PRDM4: variants seen among roughly 807,000 people sequenced by gnomAD.
PRDM4 encodes PR/SET domain 4, also known as PR domain zinc finger protein 4.
PRDM4 carries 38 observed loss-of-function variants against 62.3 expected under a neutral mutation model. The observed-to-expected ratio is 0.61, with a 90% CI of 0.47 to 0.80. The LOEUF (loss-of-function observed/expected upper bound fraction) is 0.80. PRDM4 is among the 30% of genes least tolerant of loss of function. PRDM4 has a pLI of 0.00. For missense variants in PRDM4, 858 were observed against 997.1 expected, an observed-to-expected ratio of 0.86 and a Z score of 1.88; for synonymous variants, 339 against 348.2, an observed-to-expected ratio of 0.97 and a Z score of 0.30.
chr12:107,737,255 A>G (rs368027234), intron 11 of PRDM4, among the ~76,000 whole-genome samples: 1 of 152,264 alleles, frequency 6.6e-6, no homozygotes, highest in East Asian at 1.9e-4. Context: ...AGATAAATAA[A>G]AAGACTGCTA....
chr12:107,738,753 T>G (rs1890415030), intron 11 of PRDM4, among the ~76,000 whole-genome samples: 2 of 152,226 alleles, frequency 1.3e-5, no homozygotes, highest in Admixed American at 1.3e-4. Flanking sequence ...TATGTCACTA[T>G]GACACTCCTT....
chr12:107,743,092 TG>T, intron 8 of PRDM4, 104 bp downstream of exon 8: 1 of 898,796 alleles, frequency 1.1e-6, no homozygotes, highest in Non-Finnish European at 1.7e-6. Flanking sequence ...TATGTCCAGG[TG>T]TTGGTGTAAT....
rs1890906699 is a variant in PRDM4, at chr12:107,751,882, C to T, written c.659G>A (p.Gly220Asp). The change falls in exon 5 of 12, where the codon GGC (glycine) becomes GAC (aspartate). Residue 220 changes from glycine (G) to aspartate (D), a missense_variant. By Grantham distance (94) the Gly-to-Asp change is moderately conservative. Coordinates refer to ENST00000228437, the MANE Select transcript of PRDM4 (RefSeq NM_012406.4). ...AEELTMDGVA[G>D]EHSQIPNGSR... ...GCCATTTGGGATTTGGGAATGCTCG[C>T]CTGCAACACCGTCCATCGTAAGCTC... The T allele has an allele frequency of 4.3e-6, 7 of 1,614,202 alleles. No homozygotes were observed. In the East Asian group the frequency reaches 1.6e-4, roughly 36 times the overall value.
intron 6 of PRDM4, among the ~76,000 whole-genome samples, chr12:107,745,508 C>T (rs1167355882): frequency 3.3e-5 from 5 of 151,944 alleles, no homozygotes; most frequent in Non-Finnish European, 5.9e-5. Context: ...GTCAAGGCTG[C>T]ACTCGAGTTA....
In PRDM4 at chr12:107,744,920, C is replaced by T. The variant is rs113752060; in HGVS notation, c.1277-259G>A. ...ACTAAAAATACAAAAATTAGCTGGGCGTGGTGGCGCACGCCTGTAGTCCCA... is the reference window on the plus strand; with the variant it reads ...ACTAAAAATACAAAAATTAGCTGGGTGTGGTGGCGCACGCCTGTAGTCCCA... On this transcript the variant is annotated intron_variant, in intron 6 of 11. Transcript: ENST00000228437. Among the ~76,000 whole-genome samples the T allele has an allele frequency of 5.6e-3, 845 of 152,198 alleles. 10 individuals are homozygous for T. The highest frequency in any genetic ancestry group is 0.019 in the African/African-American group (775 of 41,514).
At chr12:107,747,649 G>A (rs537572712) in intron 5 of PRDM4, among the ~76,000 whole-genome samples, 15 of 152,066 alleles carry the variant, frequency 9.9e-5, no homozygotes, top group South Asian at 2.1e-4. Flanking sequence ...GTCCTCCTCC[G>A]TAAATCTTCT....
At chr12:107,759,215 T>A (rs1891152352) in intron 2 of PRDM4, among the ~76,000 whole-genome samples, 1 of 152,074 alleles carries the variant, frequency 6.6e-6, no homozygotes, top group African/African-American at 2.4e-5. Context: ...TGCCTGTACC[T>A]CTACACGCCA....
chr12:107,742,358 C>T lies in PRDM4; in HGVS notation c.1482-10G>A, dbSNP rs1259473746. On this transcript the variant is annotated splice_polypyrimidine_tract_variant and intron_variant, in intron 8 of 11. Coordinates refer to ENST00000228437, the MANE Select transcript of PRDM4 (RefSeq NM_012406.4). ...CTGCTCTTCCCGGTTCCTGAGTTAT[C>T]ACATTTAATAGATCAAGCACATTAA... 6.2e-7 allele frequency: 1 copy of T among 1,613,092 alleles called. No individual in the cohort carries two copies. The highest frequency in any genetic ancestry group is 1.7e-5 in the Admixed American group (1 of 59,928).
rs142473757 is a variant in PRDM4, at chr12:107,740,961, G to A, written c.1909C>T (p.Leu637Phe). The change falls in exon 10 of 12, where the codon CTC becomes TTC. Residue 637 changes from leucine to phenylalanine, a missense_variant. By Grantham distance (22) the Leu-to-Phe change is conservative. Transcript: ENST00000228437. ...CACAACTTACCTGTATGTATCTTGA[G>A]GTGGGTCCGCAGGTTGCTGGGATCA... is the stretch of plus-strand genomic sequence containing the variant. ...FSDPSNLRTH[L>F]KIHTGQKNYR... The A allele has an allele frequency of 6.2e-7, 1 of 1,613,726 alleles. No homozygotes were observed. The highest frequency in any genetic ancestry group is 1.3e-5 in the African/African-American group (1 of 74,986).
chr12:107,750,445 A>G (rs1399168133), intron 5 of PRDM4, among the ~76,000 whole-genome samples: 4 of 152,126 alleles, frequency 2.6e-5, no homozygotes, highest in African/African-American at 9.7e-5. Context: ...TCGGGAGGCT[A>G]AAGTGGGAGG....
Position 107,739,450 on chromosome 12 carries a change from A to T in PRDM4, c.2026T>A (p.Cys676Ser). 2 of 1,613,976 alleles carry T rather than the reference A, an allele frequency of 1.2e-6. No homozygotes were observed. The highest frequency in any genetic ancestry group is 2.7e-5 in the African/African-American group (2 of 75,054). The change falls in exon 11 of 12, where the codon TGT (cysteine) becomes AGT (serine). Residue 676 changes from cysteine to serine, a missense_variant. Around this residue, in one of 3 missense-constraint regions of PRDM4, gnomAD observed 355 missense variants for 432.6 expected, o/e 0.82. Transcript: ENST00000228437. ...VIHTGEKNLK[C>S]DYCDKLFMRR... ...ATAAACAACTTGTCACAGTAATCAC[A>T]CTTAAGATTCTTCTCCCCAGTGTGG...
At position 107,744,750 on chromosome 12, in the gene PRDM4, T is replaced by A. The variant is rs1249766481; in HGVS notation, c.1277-89A>T. 11 of 1,530,686 alleles carry A rather than the reference T, an allele frequency of 7.2e-6. No individual in the cohort carries two copies. In the Admixed American group the frequency reaches 2.0e-4, roughly 28 times the overall value. 94.8% of individuals were successfully genotyped at this position (1,530,686 alleles called of 1,614,324 possible). On this transcript the variant is annotated intron_variant, in intron 6 of 11. Transcript: ENST00000228437. ...GGTGCTTCACCCATGCAAAGAATCT[T>A]ATTTTCAATGAATTTAACCAATATG... is the stretch of plus-strand genomic sequence containing the variant.
chr12:107,754,739 AC>A (rs1315786895), intron 3 of PRDM4: 9 of 152,332 alleles, frequency 5.9e-5, no homozygotes, highest in African/African-American at 2.2e-4. Flanking sequence ...AGAGAAAAAA[AC>A]AATGGAAACA....
At chr12:107,745,280 A>T (rs1890659949) in intron 6 of PRDM4, among the ~76,000 whole-genome samples, 1 of 152,182 alleles carries the variant, frequency 6.6e-6, no homozygotes, top group African/African-American at 2.4e-5. Context: ...GGAGTTAAAT[A>T]TAAAAAAGTT....
chr12:107,756,182 C>G lies in PRDM4; in HGVS notation c.145+650G>C, dbSNP rs143522869. Among the ~76,000 whole-genome samples, 54 of 152,034 alleles carry G rather than the reference C, an allele frequency of 3.6e-4. No homozygotes were observed. The East Asian group carries it at 8.1e-3, about 23-fold the overall frequency. ...GGCTGAAGCAGGAGAATCACTTGAA[C>G]CCGGGAGGCGGAGGTTGCAGTGAGC... On this transcript the variant is annotated intron_variant, in intron 3 of 11. Coordinates refer to ENST00000228437, the MANE Select transcript of PRDM4 (RefSeq NM_012406.4).
At chr12:107,748,063 C>A (rs1001001083) in intron 5 of PRDM4, among the ~76,000 whole-genome samples, 5 of 152,104 alleles carry the variant, frequency 3.3e-5, no homozygotes, top group Admixed American at 6.6e-5. Context: ...CTTGTAGTCC[C>A]AGCTACTGGG....
At chr12:107,760,901 C>T in intron 1 of PRDM4, 56 bp downstream of exon 1, 1 of 148,758 alleles carries the variant, frequency 6.7e-6, no homozygotes, top group South Asian at 2.0e-4. Flanking sequence ...GCCCGCGGCC[C>T]GCAGGCCGGG....
chr12:107,750,608 T>C (rs1890857779), intron 5 of PRDM4, among the ~76,000 whole-genome samples: 1 of 152,008 alleles, frequency 6.6e-6, no homozygotes, highest in Admixed American at 6.5e-5. Flanking sequence ...GTAAATCAAC[T>C]GTTTTTATAT....
intron 4 of PRDM4, among the ~76,000 whole-genome samples, chr12:107,753,486 C>T (rs1451824775): frequency 6.6e-6 from 1 of 151,964 alleles, no homozygotes; most frequent in East Asian, 1.9e-4. Context: ...AGGAAGTACA[C>T]CAAAAAGATG....
Sources: allele counts gnomAD v4.1 joint callset (sites outside exome capture counted in the v4.1 genomes callset), GRCh38; gene constraint gnomAD v4.1.1; regional missense constraint gnomAD v4.1.1; transcripts MANE v1.5; gene names NCBI Gene and HGNC (gene_info 2026-07-23, HGNC 2026-07-21).